Variants in ERC1 observed in about 807,000 individuals in gnomAD.
ERC1 encodes the protein RAB6 interacting protein 2.
ERC1 carries 56 observed loss-of-function variants against 132.0 expected under a neutral mutation model. The observed-to-expected ratio is 0.42, with a 90% CI of 0.34 to 0.53. ERC1 has a LOEUF of 0.53. Among genes scored for constraint, ERC1 ranks in the 20% least tolerant of loss-of-function variants. ERC1 has a pLI of 0.03. For missense variants in ERC1, 1,202 were observed against 1,349.9 expected, an observed-to-expected ratio of 0.89 and a Z score of 1.72; for synonymous variants, 478 against 476.1, an observed-to-expected ratio of 1.00 and a Z score of -0.05.
intron 15 of ERC1, among the ~76,000 whole-genome samples, chr12:1,298,226 A>G (rs2080115185): frequency 6.6e-6 from 1 of 152,164 alleles, no homozygotes; most frequent in Non-Finnish European, 1.5e-5. Flanking sequence ...CTACCAAAAT[A>G]ATAACAACAA....
chr12:1,397,134 C>T (rs2090610057), intron 16 of ERC1, among the ~76,000 whole-genome samples: 1 of 152,124 alleles, frequency 6.6e-6, no homozygotes, highest in Admixed American at 6.5e-5. Flanking sequence ...GCTTTGTGAC[C>T]AAAATCGAGA....
At chr12:1,367,115 G>T (rs1227318784) in intron 15 of ERC1, among the ~76,000 whole-genome samples, 1 of 152,132 alleles carries the variant, frequency 6.6e-6, no homozygotes, top group Non-Finnish European at 1.5e-5. Flanking sequence ...AGATAGAAGA[G>T]TAGAAGAGAT....
At chr12:1,268,800 G>A (rs117301074) in intron 14 of ERC1, among the ~76,000 whole-genome samples, 2,955 of 152,220 alleles carry the variant, frequency 0.019, 47 homozygotes, top group Non-Finnish European at 0.031. Context: ...GCAAAGAAAT[G>A]GAAGATGTTC....
chr12:1,059,856 G>GT (rs1973673124), intron 2 of ERC1, among the ~76,000 whole-genome samples: 1 of 152,160 alleles, frequency 6.6e-6, no homozygotes, highest in African/African-American at 2.4e-5. Context: ...GCCCTATAGA[G>GT]TAAGTTACAA....
chr12:1,314,583 A>T (rs186765221), intron 15 of ERC1, among the ~76,000 whole-genome samples: 55 of 152,324 alleles, frequency 3.6e-4, no homozygotes, highest in African/African-American at 1.3e-3. Context: ...TGACAAGCAC[A>T]CAATGATTGA....
chr12:1,263,360 G>C (rs1417135196), intron 14 of ERC1, among the ~76,000 whole-genome samples, 195 bp downstream of exon 14: 1 of 152,200 alleles, frequency 6.6e-6, no homozygotes, highest in Non-Finnish European at 1.5e-5. Context: ...GTCAAGTATA[G>C]AAAGAAAGAC....
chr12:1,092,444 A>G (rs112472174), intron 3 of ERC1, among the ~76,000 whole-genome samples: 2 of 152,340 alleles, frequency 1.3e-5, no homozygotes, highest in African/African-American at 4.8e-5. Context: ...CACAAATATA[A>G]TCATGTCCAT....
At chr12:1,428,669 T>C (rs754419708) in intron 17 of ERC1, among the ~76,000 whole-genome samples, 5 of 152,236 alleles carry the variant, frequency 3.3e-5, no homozygotes, top group Non-Finnish European at 5.9e-5. Flanking sequence ...ATCTGAAATA[T>C]TAAACAGCAG....
intron 8 of ERC1, chr12:1,152,010 C>T (rs954598186): frequency 6.6e-6 from 1 of 152,150 alleles, no homozygotes. Context: ...ACCAGCGTGG[C>T]CAACATGGTG....
chr12:1,193,276 G>T (rs1322387251), intron 12 of ERC1, among the ~76,000 whole-genome samples: 1 of 152,020 alleles, frequency 6.6e-6, no homozygotes, highest in African/African-American at 2.4e-5. Context: ...TTGACCCACT[G>T]CAATTTTAAA....
intron 15 of ERC1, among the ~76,000 whole-genome samples, chr12:1,344,282 C>T (rs1245977122): frequency 1.3e-5 from 2 of 152,086 alleles, no homozygotes; most frequent in African/African-American, 4.8e-5. Flanking sequence ...TGGCCTGGTT[C>T]TGTGGCGGTG....
At chr12:1,477,808 C>G (rs1439627216) in intron 18 of ERC1, among the ~76,000 whole-genome samples, 1 of 152,216 alleles carries the variant, frequency 6.6e-6, no homozygotes, top group Non-Finnish European at 1.5e-5. Context: ...TCAAACACCA[C>G]AGATTAGTTC....
At chr12:1,367,979 T>G (rs1434926062) in intron 15 of ERC1, among the ~76,000 whole-genome samples, 1 of 147,076 alleles carries the variant, frequency 6.8e-6, no homozygotes, top group Non-Finnish European at 1.5e-5. Context: ...TTTTTAACTC[T>G]GGAAAAGAAG....
intron 8 of ERC1, among the ~76,000 whole-genome samples, chr12:1,149,889 C>T (rs1292209903): frequency 1.3e-5 from 2 of 152,080 alleles, no homozygotes; most frequent in Non-Finnish European, 2.9e-5. Context: ...TTAGGAATGA[C>T]ATGGGTGGTG....
chr12:1,080,441 A>G (rs538261857), intron 2 of ERC1, among the ~76,000 whole-genome samples: 70 of 152,286 alleles, frequency 4.6e-4, no homozygotes, highest in Non-Finnish European at 9.4e-4. Context: ...TCTGTGTTGT[A>G]GCATGTGTAA....
intron 16 of ERC1, among the ~76,000 whole-genome samples, chr12:1,373,609 G>A (rs540134069): frequency 6.6e-5 from 10 of 152,224 alleles, no homozygotes; most frequent in South Asian, 2.1e-4. Context: ...GTGAAACCCC[G>A]TCTCCACTAA....
intron 9 of ERC1, among the ~76,000 whole-genome samples, chr12:1,181,553 C>T (rs969479747): frequency 6.6e-6 from 1 of 152,072 alleles, no homozygotes; most frequent in African/African-American, 2.4e-5. Flanking sequence ...AGTCTTAGCA[C>T]TTTGGGAGGC....
At chr12:1,372,270 A>G (rs928583342) in intron 16 of ERC1, among the ~76,000 whole-genome samples, 2 of 152,186 alleles carry the variant, frequency 1.3e-5, no homozygotes, top group African/African-American at 2.4e-5. Context: ...CCCATTTGAC[A>G]TGAAAAGGCT....
At position 1,042,155 on chromosome 12, in the gene ERC1, A is replaced by G. The variant is rs1970319689; in HGVS notation, c.669+13583A>G. Among the ~76,000 whole-genome samples the G allele has an allele frequency of 2.0e-5, 3 of 151,970 alleles. No individual in the cohort carries two copies. The South Asian group carries it at 6.2e-4, about 32-fold the overall frequency. The stretch of plus-strand genomic sequence containing the variant: ...CAGGTTCACGCCATTCTCCTGCCTC[A>G]GCCTCCCGAGTAGCTGGGACTACAG... On this transcript the variant is annotated intron_variant, in intron 2 of 18. Transcript: ENST00000360905.
Sources: gnomAD v4.1 joint callset for allele counts (sites outside exome capture counted in the v4.1 genomes callset) on GRCh38, gnomAD v4.1.1 for gene constraint, MANE v1.5 for transcripts, NCBI Gene and HGNC (gene_info 2026-07-23, HGNC 2026-07-21) for gene names.